The following LEMD3 variants were observed in gnomAD, a reference collection of about 807,000 sequenced individuals.
LEMD3 encodes LEM domain containing 3.
Under a neutral mutation model 95.2 loss-of-function variants are expected in LEMD3, and 33 were observed. The observed-to-expected ratio is 0.35, with a 90% CI of 0.26 to 0.46. The LOEUF is 0.46. Ranked by LOEUF, LEMD3 falls within the 20% of genes least tolerant of loss-of-function variation. LEMD3 has a pLI of 1.00. For synonymous variants in LEMD3, 525 were observed against 474.6 expected (o/e 1.11, Z -1.38); for missense variants, 1,210 against 1,192.8 (o/e 1.01, Z -0.21).
chr12:65,228,577 T>G (rs1354031125), intron 4 of LEMD3, among the ~76,000 whole-genome samples: 1 of 151,802 alleles, frequency 6.6e-6, no homozygotes, highest in Non-Finnish European at 1.5e-5. Flanking sequence ...TTTGTATGTT[T>G]AGTAGAGACA....
intron 4 of LEMD3, among the ~76,000 whole-genome samples, chr12:65,222,750 G>T (rs577015453): frequency 6.6e-6 from 1 of 151,620 alleles, no homozygotes; most frequent in African/African-American, 2.4e-5. Flanking sequence ...TCTCATTTGA[G>T]ATTTTTTTTT....
chr12:65,214,824 C>T (rs536912937), intron 2 of LEMD3, among the ~76,000 whole-genome samples: 1 of 152,266 alleles, frequency 6.6e-6, no homozygotes, highest in East Asian at 1.9e-4. Context: ...ACCCCCTCCC[C>T]ACCCTACCCT....
intron 9 of LEMD3, 144 bp from the exon 10 acceptor site, chr12:65,243,244 T>C (rs1466616630): frequency 1.5e-6 from 1 of 648,838 alleles, no homozygotes; most frequent in Non-Finnish European, 2.8e-6. Context: ...TAGCAATGAC[T>C]GTCTTACTCA....
chr12:65,239,338 T>C (rs923210525), intron 6 of LEMD3, among the ~76,000 whole-genome samples: 1 of 152,026 alleles, frequency 6.6e-6, no homozygotes, highest in Non-Finnish European at 1.5e-5. Flanking sequence ...TTGCTTGCAC[T>C]CAGGAGTTTA....
At chr12:65,224,052 T>G in intron 4 of LEMD3, among the ~76,000 whole-genome samples, 1 of 152,320 alleles carries the variant, frequency 6.6e-6, no homozygotes, top group Middle Eastern at 3.4e-3. Context: ...AGATTACATC[T>G]TTTCATATTG....
At chr12:65,209,473 G>A (rs1474621097) in intron 1 of LEMD3, among the ~76,000 whole-genome samples, 1 of 151,782 alleles carries the variant, frequency 6.6e-6, no homozygotes, top group African/African-American at 2.4e-5. Flanking sequence ...CATTTTTTTG[G>A]TAGTACGTTG....
chr12:65,215,422 C>G (rs985438635), intron 2 of LEMD3, among the ~76,000 whole-genome samples: 1 of 152,126 alleles, frequency 6.6e-6, no homozygotes, highest in African/African-American at 2.4e-5. Context: ...CTGGGTCTCT[C>G]GCTTTGCTGA....
At chr12:65,189,378 C>T (rs544383281) in intron 1 of LEMD3, among the ~76,000 whole-genome samples, 5 of 152,230 alleles carry the variant, frequency 3.3e-5, no homozygotes, top group South Asian at 4.2e-4. Flanking sequence ...TCTCTGTGTC[C>T]GGAGGGCAGT....
chr12:65,181,010 A>ACACACACACACACACACACACAC (rs1565780094), intron 1 of LEMD3, among the ~76,000 whole-genome samples: 2 of 151,984 alleles, frequency 1.3e-5, no homozygotes, highest in African/African-American at 4.8e-5. Context: ...ACACACACAC[A>ACACACACACACACACACACACAC]ATTTTCTGAC....
At chr12:65,192,399 TGTATAGGTTTTGCCTGTGTGG>T (rs1869272463) in intron 1 of LEMD3, among the ~76,000 whole-genome samples, 3 of 152,190 alleles carry the variant, frequency 2.0e-5, no homozygotes, top group Non-Finnish European at 2.9e-5. Context: ...GTCCTATACC[TGTATAGGTTTTGCCTGTGTGG>T]GTATAGGTTT....
chr12:65,223,010 T>A (rs905468901), intron 4 of LEMD3, among the ~76,000 whole-genome samples: 5 of 152,208 alleles, frequency 3.3e-5, no homozygotes, highest in African/African-American at 1.2e-4. Flanking sequence ...TTACTTGGTA[T>A]GATTTCGGTC....
At chr12:65,185,753 ATGAC>A (rs1747916252) in intron 1 of LEMD3, among the ~76,000 whole-genome samples, 1 of 151,800 alleles carries the variant, frequency 6.6e-6, no homozygotes, top group African/African-American at 2.4e-5. Context: ...TAGTGTTGAA[ATGAC>A]TGACTGACTT....
chr12:65,221,113 A>G (rs751358579), intron 4 of LEMD3, among the ~76,000 whole-genome samples: 25 of 149,864 alleles, frequency 1.7e-4, no homozygotes, highest in Admixed American at 4.6e-4. Context: ...TTTGAGTAAT[A>G]TTAAGTCTTC....
chr12:65,170,193 C>CAGGAGGCCG lies in LEMD3; in HGVS notation c.598_606dup (p.Arg200_Pro202dup). 6.6e-7 allele frequency: 1 copy of CAGGAGGCCG among 1,504,204 alleles called. No individual in the cohort carries two copies. Among genetic ancestry groups the CAGGAGGCCG allele is most frequent in the Non-Finnish European group, 8.9e-7 (1 of 1,127,148 alleles). 93.2% of individuals were successfully genotyped at this position (1,504,204 alleles called of 1,614,324 possible). ...GGAAGCCCCACTCGTGGTGGGGGGCCAGGAGGCCGGCGGGCCCCGAGCTGC... is the reference window on the plus strand; with the variant it reads ...GGAAGCCCCACTCGTGGTGGGGGGCCAGGAGGCCGAGGAGGCCGGCGGGCCCCGAGCTGC... On this transcript the variant is annotated inframe_insertion, in exon 1 of 13. Transcript: ENST00000308330.
At chr12:65,231,853 T>C (rs1315579624) in intron 4 of LEMD3, among the ~76,000 whole-genome samples, 1 of 151,900 alleles carries the variant, frequency 6.6e-6, no homozygotes, top group Non-Finnish European at 1.5e-5. Context: ...TATTTTATAC[T>C]ATAAATATTC....
chr12:65,231,442 T>G (rs1486527702), intron 4 of LEMD3, among the ~76,000 whole-genome samples: 1 of 152,138 alleles, frequency 6.6e-6, no homozygotes, highest in Non-Finnish European at 1.5e-5. Flanking sequence ...CTCAGCACTT[T>G]GGGAGGCCAG....
chr12:65,219,791 G>C (rs562486806), intron 4 of LEMD3, among the ~76,000 whole-genome samples: 2 of 152,218 alleles, frequency 1.3e-5, no homozygotes, highest in South Asian at 4.2e-4. Flanking sequence ...CCTCATATAA[G>C]TTGAATCCTG....
At chr12:65,199,021 C>T (rs554382586) in intron 1 of LEMD3, among the ~76,000 whole-genome samples, 49 of 152,002 alleles carry the variant, frequency 3.2e-4, no homozygotes, top group East Asian at 9.7e-4. Context: ...TTTGAGCTGC[C>T]GGGACTTACT....
intron 1 of LEMD3, among the ~76,000 whole-genome samples, chr12:65,206,594 C>T (rs17101156): frequency 0.019 from 2,835 of 152,192 alleles, 83 homozygotes; most frequent in African/African-American, 0.063. Context: ...CCATGTGGTA[C>T]ACTCTATAGT....
Sources: allele counts gnomAD v4.1 joint callset (sites outside exome capture counted in the v4.1 genomes callset), GRCh38; gene constraint gnomAD v4.1.1; transcripts MANE v1.5; gene names NCBI Gene and HGNC (gene_info 2026-07-23, HGNC 2026-07-21).